DAB2IP: variants seen among roughly 807,000 people sequenced by gnomAD.
The protein encoded by DAB2IP is disabled homolog 2-interacting protein.
In DAB2IP, 28 loss-of-function variants were observed where a neutral mutation model predicts 107.2. The ratio of observed to expected loss-of-function variants is 0.26; its 90% CI spans 0.19 to 0.36. The LOEUF (loss-of-function observed/expected upper bound fraction) is 0.36. Ranked by LOEUF, DAB2IP falls within the 10% of genes least tolerant of loss-of-function variation. The probability of loss-of-function intolerance (pLI) is 1.00; values close to 1 mark genes in which losing one functional copy is unlikely to be tolerated. For missense variants in DAB2IP, 1,400 were observed against 1,644.7 expected (o/e 0.85, Z 2.57); for synonymous variants, 755 against 706.4 (o/e 1.07, Z -1.09).
At chr9:121,653,765 C>A (rs1832860433) in intron 1 of DAB2IP, among the ~76,000 whole-genome samples, 1 of 152,120 alleles carries the variant, frequency 6.6e-6, no homozygotes, top group African/African-American at 2.4e-5. Flanking sequence ...GCTGACCAGG[C>A]AGGGGATAAT....
At chr9:121,608,640 G>A (rs1830974025) in intron 1 of DAB2IP, among the ~76,000 whole-genome samples, 1 of 152,222 alleles carries the variant, frequency 6.6e-6, no homozygotes. Flanking sequence ...ACATAAAGCT[G>A]TAGGCAATAG....
rs79114488 is a variant in DAB2IP at position 121,767,749 on chromosome 9, G to A, written c.1698-683G>A. ...GGGAGCAGGATGGTAGCCAGGAGAC[G>A]TGAAAGGAGAGCATAGCTGTGGTTC... On this transcript the variant is annotated intron_variant, in intron 9 of 15. Transcript: ENST00000408936. Among the ~76,000 whole-genome samples, 791 of 152,332 alleles carry A rather than the reference G, an allele frequency of 5.2e-3. 1 individual carries two copies. The highest frequency in any genetic ancestry group is 0.01 in the Middle Eastern group (3 of 294).
intron 1 of DAB2IP, among the ~76,000 whole-genome samples, chr9:121,572,803 A>G (rs1829979051): frequency 6.6e-6 from 1 of 152,158 alleles, no homozygotes; most frequent in South Asian, 2.1e-4. Flanking sequence ...GGGCTCAGAC[A>G]GCCCGCTGGG....
At chr9:121,647,803 CCATATATACA>C (rs1259432512), upstream of DAB2IP, among the ~76,000 whole-genome samples, 1 of 148,518 alleles carries the variant, frequency 6.7e-6, no homozygotes, top group Non-Finnish European at 1.5e-5. Flanking sequence ...GTATATATAC[CCATATATACA>C]CATATATATA....
intron 6 of DAB2IP, among the ~76,000 whole-genome samples, chr9:121,761,138 C>G (rs930046533): frequency 3.9e-5 from 6 of 152,224 alleles, no homozygotes; most frequent in Non-Finnish European, 7.3e-5. Context: ...GTGCCTCAGC[C>G]CCACCTACCC....
At chr9:121,672,109 T>A (rs573821702) in intron 1 of DAB2IP, among the ~76,000 whole-genome samples, 5 of 152,256 alleles carry the variant, frequency 3.3e-5, no homozygotes, top group African/African-American at 1.2e-4. Flanking sequence ...GACTGGTTTC[T>A]TTTTCATTTC....
chr9:121,744,854 G>A (rs1215848547), intron 3 of DAB2IP, among the ~76,000 whole-genome samples: 4 of 152,196 alleles, frequency 2.6e-5, no homozygotes, highest in African/African-American at 4.8e-5. Context: ...CTTTGTGGAG[G>A]TGGTGGCCTT....
At chr9:121,775,573 C>T (rs1357518864) in intron 13 of DAB2IP, among the ~76,000 whole-genome samples, 1 of 152,218 alleles carries the variant, frequency 6.6e-6, no homozygotes, top group Non-Finnish European at 1.5e-5. Context: ...TCTGCAGCCA[C>T]GCCGCTTCCC....
chr9:121,774,520 G>A, intron 13 of DAB2IP, 108 bp downstream of exon 13: 5 of 1,295,110 alleles, frequency 3.9e-6, no homozygotes, highest in Non-Finnish European at 5.2e-6. Context: ...CTGTCCTTGT[G>A]AAGGGCCCGT....
At chr9:121,645,201 C>T (rs1014120019) in intron 1 of DAB2IP, among the ~76,000 whole-genome samples, 2 of 152,186 alleles carry the variant, frequency 1.3e-5, no homozygotes, top group African/African-American at 2.4e-5. Context: ...AGCTTGGCAG[C>T]GTTTCTGGGT....
intron 1 of DAB2IP, among the ~76,000 whole-genome samples, chr9:121,575,685 T>C (rs1830041565): frequency 2.0e-5 from 3 of 152,126 alleles, no homozygotes; most frequent in Non-Finnish European, 4.4e-5. Context: ...CTCACTGGCC[T>C]CCCTGGGCTG....
exon 4 of DAB2IP, chr9:121,757,043 T>C (rs1377399465): frequency 1.9e-6 from 3 of 1,614,042 alleles, no homozygotes; most frequent in Non-Finnish European, 2.5e-6. Flanking sequence ...TGAAGGAGTC[T>C]CGCTCCCACG....
chr9:121,780,387 G>C (rs1588022026), intron 14 of DAB2IP, among the ~76,000 whole-genome samples: 2 of 152,140 alleles, frequency 1.3e-5, no homozygotes, highest in South Asian at 4.1e-4. Context: ...CTGCTGCCCT[G>C]CTGCCCCCAT....
chr9:121,597,196 A>T (rs1830548887), intron 1 of DAB2IP, among the ~76,000 whole-genome samples: 1 of 152,166 alleles, frequency 6.6e-6, no homozygotes, highest in African/African-American at 2.4e-5. Flanking sequence ...TTGATGATTT[A>T]TGCTTTTGAG....
At chr9:121,706,440 C>T (rs1403794468) in intron 3 of DAB2IP, among the ~76,000 whole-genome samples, 1 of 152,182 alleles carries the variant, frequency 6.6e-6, no homozygotes, top group East Asian at 1.9e-4. Flanking sequence ...GGCCCAACTC[C>T]CTCCCCTCCA....
At chr9:121,725,755 G>A (rs1257550518) in intron 3 of DAB2IP, among the ~76,000 whole-genome samples, 1 of 152,186 alleles carries the variant, frequency 6.6e-6, no homozygotes, top group Non-Finnish European at 1.5e-5. Context: ...ATGCCAGGTA[G>A]TTGGGTATCA....
rs958021936 is a variant in DAB2IP at position 121,684,670 on chromosome 9, C to T, written c.228+5889C>T. Among the ~76,000 whole-genome samples the T allele has an allele frequency of 8.5e-5, 13 of 152,338 alleles. No homozygotes were observed. The highest frequency in any genetic ancestry group is 2.6e-4 in the African/African-American group (11 of 41,582). On this transcript the variant is annotated intron_variant, in intron 2 of 15. Coordinates refer to ENST00000408936, the Ensembl canonical transcript of DAB2IP. This position sits in a 1 kb window ranked among gnomAD's most constrained non-coding sequence, Gnocchi z 4.0. The stretch of plus-strand genomic sequence containing the variant: ...GGGCATTCTCTGCTCCCTGCAGAGC[C>T]GGCCCCGCTGCCCCCCATTTGTGCC...
rs142918239 is a variant in DAB2IP, at chr9:121,572,489, G to A, written c.40+5261G>A. On this transcript the variant is annotated intron_variant, in intron 1 of 16. Coordinates refer to the DAB2IP transcript ENST00000259371. ...CTGGATCCTGCCCTTAACTTGCTCC[G>A]CATCCTTAGGCATCCTCCCCGACTC... Among the ~76,000 whole-genome samples, 89 of 152,268 alleles carry A rather than the reference G, an allele frequency of 5.8e-4. 1 individual carries two copies. In the Middle Eastern group the frequency reaches 0.02, roughly 35 times the overall value.
chr9:121,744,346 G>A lies in DAB2IP; in HGVS notation c.363-12667G>A, dbSNP rs541940237. On this transcript the variant is annotated intron_variant, in intron 3 of 15. Transcript: ENST00000408936. ...TGGCTCTGCTTGAATATTTGAAACA[G>A]TTGTCAGAAGCCAGATCACTTTGGT... 2.0e-5 allele frequency among the ~76,000 whole-genome samples: 3 copies of A among 152,298 alleles called. No homozygotes were observed. In the South Asian group the frequency reaches 6.2e-4, roughly 32 times the overall value.
Sources: gnomAD v4.1 joint callset for allele counts (sites outside exome capture counted in the v4.1 genomes callset) on GRCh38, gnomAD v4.1.1 for gene constraint, Gnocchi (gnomAD v3.1) non-coding constraint, MANE v1.5 for transcripts, NCBI Gene and HGNC (gene_info 2026-07-23, HGNC 2026-07-21) for gene names.